HEPACAM2: variants seen among roughly 807,000 people sequenced by gnomAD.
HEPACAM2 encodes HEPACAM family member 2.
A neutral mutation model predicts 49.6 loss-of-function variants in HEPACAM2; 49 were observed. That is an observed-to-expected ratio of 0.99 (90% confidence interval 0.78 to 1.25). The LOEUF (loss-of-function observed/expected upper bound fraction) is 1.25, where lower values mean the gene tolerates loss of function less well. Ranked by LOEUF, HEPACAM2 falls within the 50% of genes most tolerant of loss-of-function variation. The pLI, the probability that HEPACAM2 is intolerant of heterozygous loss-of-function variation, is 0.00. For missense variants in HEPACAM2, 525 were observed against 557.2 expected (o/e 0.94, Z 0.58); for synonymous variants, 197 against 202.9 (o/e 0.97, Z 0.25).
Position 93,206,693 on chromosome 7 carries a change from T to C in HEPACAM2, c.1012+1887A>G, listed in dbSNP as rs531341149. ...TAAGCACATTGTGTTAAGTGCTCAA[T>C]GTGTTAAGTGCTCAAAAGCCAAATG... On this transcript the variant is annotated intron_variant, in intron 4 of 9. Coordinates refer to ENST00000394468, the MANE Select transcript of HEPACAM2 (RefSeq NM_001039372.4). Among the ~76,000 whole-genome samples, 4 of 150,056 alleles carry C rather than the reference T, an allele frequency of 2.7e-5. No individual in the cohort carries two copies. The East Asian group carries it at 7.8e-4, about 29-fold the overall frequency.
At chr7:93,189,396 C>T (rs547502994) in intron 9 of HEPACAM2, 126 bp from the exon 10 acceptor site, 2 of 538,148 alleles carry the variant, frequency 3.7e-6, no homozygotes, top group East Asian at 3.1e-5. Context: ...GGAGCTAGCT[C>T]AAGAAAATTA....
At chr7:93,221,340 G>T (rs1317730293) in intron 1 of HEPACAM2, among the ~76,000 whole-genome samples, 13 of 151,678 alleles carry the variant, frequency 8.6e-5, no homozygotes, top group African/African-American at 1.7e-4. Context: ...ACATTTTTTT[G>T]ATTTCATTCT....
Position 93,189,222 on chromosome 7 carries a change from T to C in HEPACAM2, c.*45A>G, listed in dbSNP as rs577538548. 2 of 1,550,720 alleles carry C rather than the reference T, an allele frequency of 1.3e-6. No individual in the cohort carries two copies. The stretch of plus-strand genomic sequence containing the variant: ...TTTTCCACTGTTTTTCCTTAAAATG[T>C]TTCTTCAGAATTTCACTCGAATGTA... On this transcript the variant is annotated 3_prime_UTR_variant, in exon 10 of 10. Transcript: ENST00000394468.
At chr7:93,211,790 T>C (rs1794185234) in intron 3 of HEPACAM2, among the ~76,000 whole-genome samples, 1 of 151,946 alleles carries the variant, frequency 6.6e-6, no homozygotes, top group Non-Finnish European at 1.5e-5. Context: ...CCTGAGTCTA[T>C]GTACAAAATC....
rs1423047795 is a variant in HEPACAM2 at position 93,215,447 on chromosome 7, G to T, written c.669C>A (p.Asn223Lys). 1 of 1,613,688 alleles carries T rather than the reference G, an allele frequency of 6.2e-7. No individual in the cohort carries two copies. The highest frequency in any genetic ancestry group is 1.3e-5 in the African/African-American group (1 of 74,892). ...TATCACTTTCCATTTCACTGACAGGGTTCCTCACCAGGCAGCTGTAATTCC... is the reference window on the plus strand; with the variant it reads ...TATCACTTTCCATTTCACTGACAGGTTTCCTCACCAGGCAGCTGTAATTCC... Reference protein sequence around the residue: ...DIGNYSCLVRNPVSEMESDII... With the variant: ...DIGNYSCLVRKPVSEMESDII... Residue 223 changes from asparagine (N) to lysine (K), a missense_variant, in exon 3 of 10, where the codon AAC becomes AAA. Coordinates refer to ENST00000394468, the MANE Select transcript of HEPACAM2 (RefSeq NM_001039372.4).
At chr7:93,195,232 G>C (rs939826518) in intron 8 of HEPACAM2, among the ~76,000 whole-genome samples, 9 of 152,010 alleles carry the variant, frequency 5.9e-5, no homozygotes. Context: ...TGTTTATTCA[G>C]TATTTATTTA....
At position 93,192,263 on chromosome 7, in the gene HEPACAM2, TC is replaced by T; in HGVS notation, c.1375del (p.Asp459ThrfsTer18). 1 of 1,611,020 alleles carries T rather than the reference TC, an allele frequency of 6.2e-7. No homozygotes were observed. The highest frequency in any genetic ancestry group is 8.5e-7 in the Non-Finnish European group (1 of 1,177,654). On this transcript the variant is annotated frameshift_variant, in exon 9 of 10. Coordinates refer to ENST00000394468, the MANE Select transcript of HEPACAM2 (RefSeq NM_001039372.4). LOFTEE classifies it high-confidence loss of function. ...VIQHIPAQQQ[D>X]HPE ...GCAGATTCGTACTTACTCTGGATGG[TC>T]TTGCTGCTGGGCAGGGATGTGCTGA...
At chr7:93,202,322 T>G (rs529656986) in intron 4 of HEPACAM2, among the ~76,000 whole-genome samples, 1 of 151,810 alleles carries the variant, frequency 6.6e-6, no homozygotes, top group Middle Eastern at 3.4e-3. Context: ...CAAAAGAAAA[T>G]TCATACCATT....
At position 93,226,410 on chromosome 7, in the gene HEPACAM2, T is replaced by A. The variant is rs1271966752; in HGVS notation, c.37A>T (p.Thr13Ser). The change falls in exon 1 of 10, where the codon ACA becomes TCA. Residue 13 changes from threonine to serine, a missense_variant. Thr to Ser is a moderately conservative substitution (Grantham distance 58, BLOSUM62 1). Coordinates refer to ENST00000394468, the MANE Select transcript of HEPACAM2 (RefSeq NM_001039372.4). The stretch of plus-strand genomic sequence containing the variant: ...ATTTTGCACTGAAAGACCCCAAGTG[T>A]GTCACCGAAGGGCTCCATGAAAGCA... ...QDAFMEPFGD[T>S]LGVFQCKIYL... is the part of the protein sequence containing the mutation. The A allele has an allele frequency of 6.2e-7, 1 of 1,613,450 alleles. No homozygotes were observed. The highest frequency in any genetic ancestry group is 1.3e-5 in the African/African-American group (1 of 74,834).
intron 3 of HEPACAM2, among the ~76,000 whole-genome samples, chr7:93,210,622 A>G (rs1794154958): frequency 6.6e-6 from 1 of 151,946 alleles, no homozygotes; most frequent in Non-Finnish European, 1.5e-5. Flanking sequence ...TATATTTAGT[A>G]TACGGGAGAT....
upstream of HEPACAM2, among the ~76,000 whole-genome samples, chr7:93,227,849 T>C (rs996481550): frequency 6.6e-6 from 1 of 152,222 alleles, no homozygotes; most frequent in South Asian, 2.1e-4. Context: ...ATCTTATTCA[T>C]TCATGGATGT....
chr7:93,219,601 G>A (rs183808462), intron 1 of HEPACAM2, 150 bp from the exon 2 acceptor site: 6 of 1,397,744 alleles, frequency 4.3e-6, no homozygotes, highest in Non-Finnish European at 4.7e-6. Context: ...GTTACATATA[G>A]AGGTAAATAT....
intron 1 of HEPACAM2, among the ~76,000 whole-genome samples, chr7:93,219,865 C>T (rs1311744624): frequency 1.3e-5 from 2 of 152,264 alleles, no homozygotes; most frequent in African/African-American, 4.8e-5. Context: ...TTATTTCCTC[C>T]CAACAGTTTC....
At chr7:93,212,961 A>G (rs530590788) in intron 3 of HEPACAM2, among the ~76,000 whole-genome samples, 3 of 152,214 alleles carry the variant, frequency 2.0e-5, no homozygotes, top group East Asian at 3.9e-4. Context: ...CCCAATAGAA[A>G]TGAACCCTTT....
At chr7:93,216,861 T>A (rs997326865) in intron 2 of HEPACAM2, among the ~76,000 whole-genome samples, 2 of 152,214 alleles carry the variant, frequency 1.3e-5, no homozygotes, top group Admixed American at 1.3e-4. Flanking sequence ...CAATGCATCT[T>A]CCTCAGGTAG....
At position 93,215,491 on chromosome 7, in the gene HEPACAM2, C is replaced by T. The variant is rs1794280803; in HGVS notation, c.625G>A (p.Val209Ile). Reference protein sequence around the residue: ...PQNNTLHIAPVTKEDIGNYSC... With the variant: ...PQNNTLHIAPITKEDIGNYSC... ...TAATTCCCAATGTCTTCCTTGGTTA[C>T]TGGAGCAATATGAAGGGTATTGTTT... Residue 209 changes from valine (V) to isoleucine (I), a missense_variant, in exon 3 of 10, where the codon GTA (valine) becomes ATA (isoleucine). Physicochemically the swap from Val to Ile is conservative, Grantham distance 29 (BLOSUM62 3). Coordinates refer to ENST00000394468, the MANE Select transcript of HEPACAM2 (RefSeq NM_001039372.4). 1 of 1,613,862 alleles carries T rather than the reference C, an allele frequency of 6.2e-7. No homozygotes were observed. Among genetic ancestry groups the T allele is most frequent in the Non-Finnish European group, 8.5e-7 (1 of 1,179,864 alleles).
In HEPACAM2 at chr7:93,208,651, A is replaced by T; in HGVS notation, c.941T>A (p.Val314Glu). ...GGTTATGTTGTTGTAAGCACAGCAC[A>T]CATAGTCCATTGTCTTCTGGGCTAC... ...EKVAQKTMDY[V>E]CCAYNNITGR... The change falls in exon 4 of 10, where the codon GTG becomes GAG. Residue 314 changes from valine (V) to glutamate (E), a missense_variant. Physicochemically the swap from Val to Glu is moderately radical, Grantham distance 121. Transcript: ENST00000394468. The T allele has an allele frequency of 1.2e-6, 2 of 1,613,248 alleles. No homozygotes were observed. The highest frequency in any genetic ancestry group is 1.7e-6 in the Non-Finnish European group (2 of 1,179,424).
At chr7:93,232,187 T>C in the HEPACAM2 span, among the ~76,000 whole-genome samples, 12 of 152,328 alleles carry the variant, frequency 7.9e-5, no homozygotes, top group Non-Finnish European at 1.5e-4. Context: ...GCGATCGCAG[T>C]GGTCGCTCTG....
At chr7:93,196,038 T>C (rs111594283) in intron 7 of HEPACAM2, 137 bp from the exon 8 acceptor site, 11 of 629,630 alleles carry the variant, frequency 1.7e-5, no homozygotes, top group African/African-American at 9.3e-5. Flanking sequence ...TCCTAATTCC[T>C]ATAGTCGTAT....
Sources: gnomAD v4.1 joint callset for allele counts (sites outside exome capture counted in the v4.1 genomes callset) on GRCh38, gnomAD v4.1.1 for gene constraint, MANE v1.5 for transcripts, NCBI Gene and HGNC (gene_info 2026-07-23, HGNC 2026-07-21) for gene names.